SPICE1: variants seen among roughly 807,000 people sequenced by gnomAD.
SPICE1 encodes the protein spindle and centriole associated protein 1, also known as spindle and centriole-associated protein 1.
A neutral mutation model predicts 102.7 loss-of-function variants in SPICE1; 75 were observed. That is an observed-to-expected ratio of 0.73 (90% CI 0.61 to 0.88). SPICE1 has a LOEUF of 0.88. SPICE1 is among the 40% of genes least tolerant of loss of function. The pLI, the probability that SPICE1 is intolerant of heterozygous loss-of-function variation, is 0.00. For missense variants in SPICE1, 979 were observed against 1,020.1 expected (o/e 0.96, Z 0.55); for synonymous variants, 308 against 350.3 (o/e 0.88, Z 1.35).
At position 113,445,209 on chromosome 3, in the gene SPICE1, G is replaced by A; in HGVS notation, c.*98C>T. ...AGTACTAATTCACAGGATCTTTGTA[G>A]GTTTTATCTGAAAGAAGGATATAAA... On this transcript the variant is annotated 3_prime_UTR_variant, in exon 18 of 18. Coordinates refer to ENST00000295872, the MANE Select transcript of SPICE1 (RefSeq NM_144718.4). The A allele has an allele frequency of 1.1e-6, 1 of 906,280 alleles. No homozygotes were observed. Among genetic ancestry groups the A allele is most frequent in the Non-Finnish European group, 1.7e-6 (1 of 583,442 alleles). 56.1% of individuals were successfully genotyped at this position (906,280 alleles called of 1,614,324 possible).
chr3:113,494,678 G>A (rs967272717), intron 4 of SPICE1, among the ~76,000 whole-genome samples: 22 of 150,918 alleles, frequency 1.5e-4, no homozygotes, highest in African/African-American at 4.6e-4. Context: ...TCACAATTGT[G>A]ACCCACCACA....
chr3:113,497,610 A>G (rs1478242118), intron 4 of SPICE1, among the ~76,000 whole-genome samples: 3 of 151,716 alleles, frequency 2.0e-5, no homozygotes, highest in Non-Finnish European at 4.4e-5. Flanking sequence ...ATGGGGCCAC[A>G]TCCTAGGTCA....
intron 6 of SPICE1, among the ~76,000 whole-genome samples, chr3:113,491,454 A>G (rs905021954): frequency 6.7e-6 from 1 of 150,326 alleles, no homozygotes; most frequent in Non-Finnish European, 1.5e-5. Context: ...CCCCGTCTCT[A>G]CTAAAAAATA....
In SPICE1 at chr3:113,460,753, C is replaced by A. The variant is rs1935914668; in HGVS notation, c.1299G>T (p.Gln433His). 3 of 1,600,046 alleles carry A rather than the reference C, an allele frequency of 1.9e-6. No homozygotes were observed. In the South Asian group the frequency reaches 3.4e-5, roughly 18 times the overall value. Residue 433 changes from glutamine (Q) to histidine (H), a missense_variant, in exon 12 of 18, where the codon CAG becomes CAT. Transcript: ENST00000295872. The part of the protein sequence containing the change: ...EENAATQARL[Q>H]QYMVTTDEQL... Reference sequence around the variant, plus strand: ...GCTCATCTGTTGTGACCATGTACTGCTGAAGTCTTGCCTGGGGAGGAAAAC... The same window carrying A: ...GCTCATCTGTTGTGACCATGTACTGATGAAGTCTTGCCTGGGGAGGAAAAC...
At chr3:113,486,752 G>A (rs1472529688) in intron 7 of SPICE1, among the ~76,000 whole-genome samples, 2 of 151,262 alleles carry the variant, frequency 1.3e-5, no homozygotes, top group African/African-American at 4.8e-5. Flanking sequence ...TCATGAACAT[G>A]CACATTTATT....
intron 10 of SPICE1, among the ~76,000 whole-genome samples, chr3:113,466,362 C>T (rs893043495): frequency 2.6e-5 from 4 of 152,080 alleles, no homozygotes; most frequent in Non-Finnish European, 4.4e-5. Context: ...AATCCCAGCA[C>T]ATTGGGAGGC....
intron 3 of SPICE1, 33 bp from the exon 4 acceptor site, chr3:113,499,615 T>G: frequency 6.5e-7 from 1 of 1,535,556 alleles, no homozygotes; most frequent in Non-Finnish European, 8.8e-7. Flanking sequence ...TAAAGGAATG[T>G]TTCAGACACA....
chr3:113,490,628 C>A (rs574902881), intron 6 of SPICE1, among the ~76,000 whole-genome samples: 3 of 151,350 alleles, frequency 2.0e-5, no homozygotes, highest in African/African-American at 7.3e-5. Flanking sequence ...GGTGACACAG[C>A]AAGACCCCAT....
intron 7 of SPICE1, among the ~76,000 whole-genome samples, chr3:113,484,966 TTA>T (rs1491355020): frequency 6.6e-6 from 1 of 152,008 alleles, no homozygotes; most frequent in African/African-American, 2.4e-5. Context: ...CCATAAAGTG[TTA>T]AAGTCTCCCC....
At chr3:113,473,196 A>G (rs1307558616) in intron 7 of SPICE1, among the ~76,000 whole-genome samples, 3 of 152,202 alleles carry the variant, frequency 2.0e-5, no homozygotes, top group Admixed American at 2.0e-4. Context: ...GCGATGGAAG[A>G]TGAAATGAAT....
Position 113,453,932 on chromosome 3 carries a change from T to G in SPICE1, c.1676A>C (p.Gln559Pro). 6.2e-7 allele frequency: 1 copy of G among 1,612,962 alleles called. No homozygotes were observed. Among genetic ancestry groups the G allele is most frequent in the Non-Finnish European group, 8.5e-7 (1 of 1,179,332 alleles). ...AGGAAGTCGTGGAGCAGGACGAGTT[T>G]GAACAGTCCTTCTCAATACTATAGA... The part of the protein sequence containing the change: ...PLQDVLRRTV[Q>P]TRPAPRLPPT... Residue 559 changes from glutamine to proline, a missense_variant, in exon 14 of 18, where the codon CAA (glutamine) becomes CCA (proline). By Grantham distance (76) the Gln-to-Pro change is moderately conservative. Transcript: ENST00000295872.
In SPICE1 at chr3:113,493,196, A is replaced by G. The variant is rs967131296; in HGVS notation, c.492+10T>C. 5 of 1,571,560 alleles carry G rather than the reference A, an allele frequency of 3.2e-6. No individual in the cohort carries two copies. Among genetic ancestry groups the G allele is most frequent in the Non-Finnish European group, 4.3e-6 (5 of 1,156,800 alleles). ...GCATGAGTGTTATAGCTGTGAGTGGAACACATTACCTGAGGTTCTATGACA... is the reference window on the plus strand; with the variant it reads ...GCATGAGTGTTATAGCTGTGAGTGGGACACATTACCTGAGGTTCTATGACA... On this transcript the variant is annotated intron_variant, in intron 6 of 17. Coordinates refer to ENST00000295872, the MANE Select transcript of SPICE1 (RefSeq NM_144718.4).
At chr3:113,451,445 T>C (rs867121897) in intron 14 of SPICE1, among the ~76,000 whole-genome samples, 1 of 152,184 alleles carries the variant, frequency 6.6e-6, no homozygotes, top group South Asian at 2.1e-4. Context: ...AATCACTGAT[T>C]TTTAGCTTAT....
chr3:113,446,319 T>C (rs1257672638), intron 17 of SPICE1, among the ~76,000 whole-genome samples: 1 of 152,212 alleles, frequency 6.6e-6, no homozygotes, highest in Admixed American at 6.5e-5. Flanking sequence ...CGTAAATATA[T>C]GGGAAGCTCT....
chr3:113,447,005 A>G (rs550503891), intron 16 of SPICE1, among the ~76,000 whole-genome samples: 3 of 152,094 alleles, frequency 2.0e-5, no homozygotes, highest in Non-Finnish European at 4.4e-5. Flanking sequence ...TCGTGATAGT[A>G]AATAAGTCTC....
intron 13 of SPICE1, among the ~76,000 whole-genome samples, chr3:113,455,515 C>T (rs1935760004): frequency 6.6e-6 from 1 of 152,188 alleles, no homozygotes; most frequent in African/African-American, 2.4e-5. Context: ...CCCATGCAGC[C>T]AGTGGCCACC....
At chr3:113,514,002 AG>A in intron 1 of SPICE1, among the ~76,000 whole-genome samples, 1 of 152,380 alleles carries the variant, frequency 6.6e-6, no homozygotes, top group East Asian at 1.9e-4. Context: ...AACTCTATGC[AG>A]TAAGTAAAAG....
chr3:113,475,927 C>T (rs1182957144), intron 7 of SPICE1, among the ~76,000 whole-genome samples: 2 of 152,110 alleles, frequency 1.3e-5, no homozygotes, highest in Non-Finnish European at 2.9e-5. Flanking sequence ...GTTGGAAGTT[C>T]TGGCCAGGGC....
chr3:113,475,215 C>T (rs1229221156), intron 7 of SPICE1, among the ~76,000 whole-genome samples: 1 of 152,232 alleles, frequency 6.6e-6, no homozygotes, highest in African/African-American at 2.4e-5. Flanking sequence ...ACACATACAT[C>T]CTCCCAAGAC....
Sources: allele counts gnomAD v4.1 joint callset (sites outside exome capture counted in the v4.1 genomes callset), GRCh38; gene constraint gnomAD v4.1.1; transcripts MANE v1.5; gene names NCBI Gene and HGNC (gene_info 2026-07-23, HGNC 2026-07-21).